Variants in NXPE2 observed in about 807,000 individuals in gnomAD.
NXPE2 encodes the protein NXPE family member 2.
In NXPE2, 34 loss-of-function variants were observed where a neutral mutation model predicts 34.4. That is an observed-to-expected ratio of 0.99 (90% confidence interval 0.75 to 1.31). NXPE2 has a LOEUF of 1.31. NXPE2 is among the 40% of genes most tolerant of loss of function. The pLI is 0.00. For synonymous variants in NXPE2, 235 were observed against 231.3 expected (o/e 1.02, Z -0.15); for missense variants, 649 against 672.5 (o/e 0.97, Z 0.39).
the NXPE2 span, among the ~76,000 whole-genome samples, chr11:114,614,193 C>A: frequency 6.9e-6 from 1 of 144,882 alleles, no homozygotes; most frequent in Non-Finnish European, 1.5e-5. Flanking sequence ...GGATATTATC[C>A]ACCATGTAAT....
At chr11:114,672,105 A>G in the NXPE2 span, among the ~76,000 whole-genome samples, 2 of 151,996 alleles carry the variant, frequency 1.3e-5, no homozygotes, top group East Asian at 3.9e-4. Context: ...AGATCTCATG[A>G]GAACTCTAGT....
the NXPE2 span, among the ~76,000 whole-genome samples, chr11:114,636,520 G>T: frequency 6.6e-6 from 1 of 151,608 alleles, no homozygotes; most frequent in Non-Finnish European, 1.5e-5. Flanking sequence ...GAATGTGTTT[G>T]CTCTTGCTTT....
chr11:114,726,532 C>T, the NXPE2 span, among the ~76,000 whole-genome samples: 1 of 152,056 alleles, frequency 6.6e-6, no homozygotes, highest in Admixed American at 6.6e-5. Context: ...ACTAAGTGCT[C>T]AGTCTGTCAC....
chr11:114,728,103 C>T, the NXPE2 span, among the ~76,000 whole-genome samples: 10 of 152,048 alleles, frequency 6.6e-5, no homozygotes, highest in African/African-American at 2.2e-4. Context: ...AATGTAACGT[C>T]CTCAAATCTC....
chr11:114,813,100 T>A, the NXPE2 span, among the ~76,000 whole-genome samples: 1 of 152,122 alleles, frequency 6.6e-6, no homozygotes, highest in Non-Finnish European at 1.5e-5. Context: ...TATGCCCTGA[T>A]CAACTGTAAT....
At chr11:114,597,314 A>T in the NXPE2 span, among the ~76,000 whole-genome samples, 175 of 152,338 alleles carry the variant, frequency 1.1e-3, no homozygotes, top group African/African-American at 3.9e-3. Flanking sequence ...TTAAATTCAA[A>T]TATATGAACA....
intron 5 of NXPE2, 133 bp downstream of exon 5, chr11:114,706,129 A>G (rs998763746): frequency 2.4e-6 from 1 of 408,356 alleles, no homozygotes; most frequent in South Asian, 1.3e-4. Flanking sequence ...AAATTTGCCT[A>G]ACTTTTGGCT....
At chr11:114,701,611 G>A (rs960914061) in intron 3 of NXPE2, among the ~76,000 whole-genome samples, 5 of 152,184 alleles carry the variant, frequency 3.3e-5, no homozygotes, top group Non-Finnish European at 7.3e-5. Flanking sequence ...AGGAACAGCT[G>A]ATTACACATC....
the NXPE2 span, chr11:114,582,693 A>G: frequency 6.2e-7 from 1 of 1,614,112 alleles, no homozygotes; most frequent in Non-Finnish European, 8.5e-7. Flanking sequence ...TGGGGAAGAC[A>G]TCCTGGCCCT....
chr11:114,654,400 T>G, the NXPE2 span, among the ~76,000 whole-genome samples: 35 of 152,284 alleles, frequency 2.3e-4, no homozygotes, highest in South Asian at 2.9e-3. Context: ...TGTGCAGGTT[T>G]GTTACATAGG....
chr11:114,530,769 A>G, the NXPE2 span: 1 of 1,614,096 alleles, frequency 6.2e-7, no homozygotes, highest in Non-Finnish European at 8.5e-7. Flanking sequence ...CTGCTGATCT[A>G]GTTTCTCTAT....
chr11:114,623,005 A>G, the NXPE2 span, among the ~76,000 whole-genome samples: 3 of 152,040 alleles, frequency 2.0e-5, no homozygotes, highest in Non-Finnish European at 1.5e-5. Context: ...CTGGTGGATA[A>G]TAAGTGTTGC....
chr11:114,491,411 C>G, the NXPE2 span, among the ~76,000 whole-genome samples: 1 of 152,048 alleles, frequency 6.6e-6, no homozygotes, highest in Non-Finnish European at 1.5e-5. Context: ...TGAAAAAATG[C>G]TCATCATCAC....
At chr11:114,492,071 A>G in the NXPE2 span, among the ~76,000 whole-genome samples, 40 of 152,270 alleles carry the variant, frequency 2.6e-4, 1 homozygote, top group East Asian at 6.9e-3. Flanking sequence ...ATGATGAGTT[A>G]ATGGGTGCAG....
chr11:114,775,980 G>A, the NXPE2 span, among the ~76,000 whole-genome samples: 5 of 152,104 alleles, frequency 3.3e-5, no homozygotes, highest in Non-Finnish European at 5.9e-5. Flanking sequence ...ATTCATTACT[G>A]CAAGGATGGC....
At chr11:114,523,587 C>A in the NXPE2 span, among the ~76,000 whole-genome samples, 5 of 152,170 alleles carry the variant, frequency 3.3e-5, no homozygotes, top group Admixed American at 2.0e-4. Flanking sequence ...CCTAGCTTGA[C>A]AATTTTTTGT....
At chr11:114,538,631 A>T in the NXPE2 span, among the ~76,000 whole-genome samples, 1 of 152,240 alleles carries the variant, frequency 6.6e-6, no homozygotes, top group South Asian at 2.1e-4. Flanking sequence ...ATATGAACAG[A>T]CACTTCTCAA....
the NXPE2 span, chr11:114,583,577 TTC>T: frequency 3.4e-6 from 2 of 595,330 alleles, no homozygotes; most frequent in Admixed American, 3.7e-5. Flanking sequence ...CCTGTTTGAC[TTC>T]TGTCAGTTGT....
chr11:114,736,376 G>C, the NXPE2 span, among the ~76,000 whole-genome samples: 2 of 152,166 alleles, frequency 1.3e-5, no homozygotes, highest in Non-Finnish European at 2.9e-5. Flanking sequence ...CCCACCCTCA[G>C]GGGTTCATTC....
Sources: gnomAD v4.1 joint callset for allele counts (sites outside exome capture counted in the v4.1 genomes callset) on GRCh38, gnomAD v4.1.1 for gene constraint, MANE v1.5 for transcripts, NCBI Gene and HGNC (gene_info 2026-07-23, HGNC 2026-07-21) for gene names.